Variants in TM9SF4 observed in about 807,000 individuals in gnomAD.
The protein encoded by TM9SF4 is transmembrane 9 superfamily member 4, also known as dinucleotide oxidase disulfide thiol exchanger 3 superfamily member 4.
Under a neutral mutation model 90.4 loss-of-function variants are expected in TM9SF4, and 26 were observed. The observed-to-expected ratio is 0.29, with a 90% CI of 0.21 to 0.40. TM9SF4 has a LOEUF of 0.40. TM9SF4 is among the 10% of genes least tolerant of loss of function. The pLI is 1.00. For synonymous variants in TM9SF4, 293 were observed against 315.4 expected, an observed-to-expected ratio of 0.93 and a Z score of 0.75; for missense variants, 549 against 834.8, an observed-to-expected ratio of 0.66 and a Z score of 4.22.
intron 1 of TM9SF4, 65 bp downstream of exon 1, chr20:32,109,820 C>G: frequency 6.4e-7 from 1 of 1,550,524 alleles, no homozygotes; most frequent in Non-Finnish European, 8.7e-7. Context: ...CCAGGATCTT[C>G]CAGCACCCCA....
intron 12 of TM9SF4, among the ~76,000 whole-genome samples, 171 bp downstream of exon 12, chr20:32,151,046 C>T (rs1324488633): frequency 6.6e-6 from 1 of 152,048 alleles, no homozygotes; most frequent in Non-Finnish European, 1.5e-5. Flanking sequence ...AGGCTGTTAC[C>T]CACAGGCTCG....
At chr20:32,143,183 C>G (rs1210879940) in intron 6 of TM9SF4, 78 bp downstream of exon 6, 2 of 1,541,640 alleles carry the variant, frequency 1.3e-6, no homozygotes, top group African/African-American at 1.4e-5. Context: ...GCACTCTTCT[C>G]CCTCCTGAGC....
chr20:32,110,920 T>C (rs1253211598), intron 1 of TM9SF4, among the ~76,000 whole-genome samples: 1 of 152,232 alleles, frequency 6.6e-6, no homozygotes, highest in African/African-American at 2.4e-5. Context: ...TCCTGCATAC[T>C]GCCTCCTCAG....
intron 1 of TM9SF4, among the ~76,000 whole-genome samples, chr20:32,110,790 A>G (rs952389889): frequency 2.0e-5 from 3 of 152,174 alleles, no homozygotes; most frequent in African/African-American, 7.2e-5. Flanking sequence ...CTGGTGCAGA[A>G]CCTTGGAAGT....
chr20:32,110,222 CA>C (rs2046122356), intron 1 of TM9SF4, among the ~76,000 whole-genome samples: 1 of 152,148 alleles, frequency 6.6e-6, no homozygotes, highest in Non-Finnish European at 1.5e-5. Flanking sequence ...AGCGCTGCCT[CA>C]GATCCTTTTC....
intron 1 of TM9SF4, among the ~76,000 whole-genome samples, chr20:32,121,209 C>CT (rs200664375): frequency 0.42 from 57,284 of 138,010 alleles, 11,965 homozygotes; most frequent in East Asian, 0.74. Flanking sequence ...TTTTATTTTT[C>CT]TTTTTTTTTT....
chr20:32,114,983 T>G (rs934789351), intron 1 of TM9SF4, among the ~76,000 whole-genome samples: 2 of 152,194 alleles, frequency 1.3e-5, no homozygotes, highest in Non-Finnish European at 2.9e-5. Flanking sequence ...TACTTTAAGG[T>G]GAGTTTTGCT....
At chr20:32,163,928 G>A (rs1049255307) in intron 17 of TM9SF4, among the ~76,000 whole-genome samples, 2 of 152,062 alleles carry the variant, frequency 1.3e-5, no homozygotes, top group African/African-American at 4.8e-5. Context: ...TGCTAGGATT[G>A]ATGGCCCCAA....
chr20:32,117,221 C>G (rs1449524179), intron 1 of TM9SF4, among the ~76,000 whole-genome samples: 1 of 78,104 alleles, frequency 1.3e-5, no homozygotes, highest in Admixed American at 1.7e-4. Context: ...TAGACTCTGT[C>G]TCAAAAAAAA....
intron 15 of TM9SF4, 84 bp from the exon 16 acceptor site, chr20:32,159,903 GTCCAC>G: frequency 6.4e-7 from 1 of 1,570,282 alleles, no homozygotes; most frequent in Non-Finnish European, 8.7e-7. Context: ...ATGATGATGT[GTCCAC>G]TCCTGCCCTT....
chr20:32,139,047 T>A (rs2046633719), intron 3 of TM9SF4, among the ~76,000 whole-genome samples: 1 of 152,218 alleles, frequency 6.6e-6, no homozygotes, highest in African/African-American at 2.4e-5. Flanking sequence ...TTGCCAGCCT[T>A]CCAAAACAGG....
At chr20:32,130,277 T>G (rs983331104) in intron 1 of TM9SF4, among the ~76,000 whole-genome samples, 1 of 152,348 alleles carries the variant, frequency 6.6e-6, no homozygotes, top group Non-Finnish European at 1.5e-5. Context: ...AATTGGTGTG[T>G]GATTTGTTGA....
intron 12 of TM9SF4, among the ~76,000 whole-genome samples, chr20:32,154,480 A>C (rs6089198): frequency 9.9e-5 from 15 of 150,842 alleles, no homozygotes; most frequent in Non-Finnish European, 1.6e-4. Context: ...TTGAGACGGA[A>C]TCTCGCTCTG....
Position 32,143,030 on chromosome 20 carries a change from G to A in TM9SF4, c.577G>A (p.Asp193Asn), listed in dbSNP as rs1476085789. 11 of 1,613,830 alleles carry A rather than the reference G, an allele frequency of 6.8e-6. No individual in the cohort carries two copies. The highest frequency in any genetic ancestry group is 9.3e-6 in the Non-Finnish European group (11 of 1,179,898). The change falls in exon 6 of 18, where the codon GAC becomes AAC. Residue 193 changes from aspartate to asparagine, a missense_variant. By Grantham distance (23) the Asp-to-Asn change is conservative. This residue lies in a region of TM9SF4 where 495 missense variants were observed against 711.7 expected (regional missense o/e 0.70). Coordinates refer to ENST00000398022, the MANE Select transcript of TM9SF4 (RefSeq NM_014742.4). ...LSFILYYHRE[D>N]MEEDQEHTYR... Reference sequence around the variant, plus strand: ...ATTCATCCTTTACTATCATCGGGAGGACATGGAAGAGGACCAGGAGCACAC... The same window carrying A: ...ATTCATCCTTTACTATCATCGGGAGAACATGGAAGAGGACCAGGAGCACAC...
Position 32,145,527 on chromosome 20 carries a change from C to T in TM9SF4, c.883+104C>T, listed in dbSNP as rs984632817. On this transcript the variant is annotated intron_variant, in intron 8 of 17. Coordinates refer to ENST00000398022, the MANE Select transcript of TM9SF4 (RefSeq NM_014742.4). ...CTTCCAGGGTGTTCTGAGGGTCAGG[C>T]GTAGGTCAAAAACAGACATCAGGGC... The T allele has an allele frequency of 2.1e-5, 21 of 991,378 alleles. No individual in the cohort carries two copies. In the African/African-American group the frequency reaches 2.9e-4, roughly 14 times the overall value. 61.4% of individuals were successfully genotyped at this position (991,378 alleles called of 1,614,324 possible).
intron 10 of TM9SF4, among the ~76,000 whole-genome samples, chr20:32,150,194 C>T (rs939669539): frequency 1.3e-5 from 2 of 152,192 alleles, no homozygotes; most frequent in African/African-American, 4.8e-5. Flanking sequence ...CAGCCTCATG[C>T]CTCCAAGCTT....
intron 1 of TM9SF4, among the ~76,000 whole-genome samples, chr20:32,126,068 AACACACACACAC>A (rs71185382): frequency 6.6e-4 from 91 of 138,664 alleles, no homozygotes; most frequent in Middle Eastern, 3.8e-3. Flanking sequence ...CTTTCCCGTA[AACACACACACAC>A]ACACACACAC....
chr20:32,155,012 G>A (rs1009068069), intron 12 of TM9SF4, 91 bp from the exon 13 acceptor site: 1 of 889,620 alleles, frequency 1.1e-6, no homozygotes, highest in Non-Finnish European at 1.9e-6. Flanking sequence ...AAGACAAGGA[G>A]GGCTTAAGAG....
chr20:32,163,842 C>T (rs2047062885), intron 17 of TM9SF4, among the ~76,000 whole-genome samples: 1 of 151,972 alleles, frequency 6.6e-6, no homozygotes, highest in Admixed American at 6.6e-5. Flanking sequence ...AACTCCTGAC[C>T]TCATGTGATC....
Sources: gnomAD v4.1 joint callset for allele counts (sites outside exome capture counted in the v4.1 genomes callset) on GRCh38, gnomAD v4.1.1 for gene constraint, gnomAD v4.1.1 regional missense constraint, MANE v1.5 for transcripts, NCBI Gene and HGNC (gene_info 2026-07-23, HGNC 2026-07-21) for gene names.